The following STMN2 variants were observed in gnomAD, a reference collection of about 807,000 sequenced individuals.
STMN2 encodes the protein stathmin 2, also known as stathmin-2.
A neutral mutation model predicts 24.1 loss-of-function variants in STMN2; 2 were observed. The observed-to-expected ratio is 0.08, with a 90% CI of 0.03 to 0.26. The LOEUF (loss-of-function observed/expected upper bound fraction) is 0.26. STMN2 is among the 10% of genes least tolerant of loss of function. The pLI is 1.00. For synonymous variants in STMN2, 83 were observed against 77.5 expected (o/e 1.07, Z -0.37); for missense variants, 114 against 213.6 (o/e 0.53, Z 2.91).
At chr8:79,643,604 G>A (rs537072898) in intron 3 of STMN2, among the ~76,000 whole-genome samples, 1 of 152,136 alleles carries the variant, frequency 6.6e-6, no homozygotes, top group East Asian at 1.9e-4. Context: ...CACTTAATTT[G>A]AAAGAAATTA....
At chr8:79,644,640 A>G (rs1367477581) in intron 3 of STMN2, among the ~76,000 whole-genome samples, 1 of 152,230 alleles carries the variant, frequency 6.6e-6, no homozygotes, top group Non-Finnish European at 1.5e-5. Flanking sequence ...GTGTTCTCAC[A>G]AGAGGAAGGG....
chr8:79,651,717 C>T (rs563390611), intron 3 of STMN2, among the ~76,000 whole-genome samples: 4 of 152,318 alleles, frequency 2.6e-5, no homozygotes, highest in African/African-American at 9.6e-5. Flanking sequence ...GTTGCAGTGG[C>T]CTCTTGATAA....
chr8:79,615,794 T>A (rs1414386534), intron 1 of STMN2, among the ~76,000 whole-genome samples: 1 of 152,168 alleles, frequency 6.6e-6, no homozygotes, highest in Non-Finnish European at 1.5e-5. Context: ...CAGGATGAAA[T>A]GAGTGGTCAT....
At chr8:79,663,634 G>A in intron 4 of STMN2, 1 of 1,530,214 alleles carries the variant, frequency 6.5e-7, no homozygotes, top group Non-Finnish European at 8.7e-7. Context: ...TCAATTTCTG[G>A]AGCTTCAGAG....
intron 3 of STMN2, among the ~76,000 whole-genome samples, chr8:79,643,027 G>C (rs1233877537): frequency 1.4e-5 from 2 of 147,728 alleles, no homozygotes; most frequent in Non-Finnish European, 3.0e-5. Flanking sequence ...TATGTGATGT[G>C]TATATATGTA....
chr8:79,645,945 A>G (rs1810207930), intron 3 of STMN2, among the ~76,000 whole-genome samples: 1 of 152,212 alleles, frequency 6.6e-6, no homozygotes, highest in Admixed American at 6.5e-5. Flanking sequence ...CTCCATGAAG[A>G]TAGAACTTGT....
intron 4 of STMN2, among the ~76,000 whole-genome samples, chr8:79,660,661 A>T (rs1363182305): frequency 1.3e-5 from 2 of 152,076 alleles, no homozygotes; most frequent in Non-Finnish European, 2.9e-5. Flanking sequence ...CCTGTTTTGT[A>T]AATGTCAATA....
intron 1 of STMN2, among the ~76,000 whole-genome samples, chr8:79,612,885 C>G (rs921647999): frequency 1.3e-5 from 2 of 152,084 alleles, no homozygotes; most frequent in African/African-American, 2.4e-5. Flanking sequence ...CCTCTTTTTT[C>G]AGCCCCGCAG....
At chr8:79,664,087 C>T (rs571716519) in intron 4 of STMN2, among the ~76,000 whole-genome samples, 1 of 152,306 alleles carries the variant, frequency 6.6e-6, no homozygotes, top group East Asian at 1.9e-4. Flanking sequence ...AATAAAATGA[C>T]TGCCGAATAA....
chr8:79,624,318 G>C (rs571326106), intron 1 of STMN2, among the ~76,000 whole-genome samples: 1 of 152,026 alleles, frequency 6.6e-6, no homozygotes, highest in East Asian at 1.9e-4. Context: ...GCCGGGTGTG[G>C]TGGCGGGTGC....
rs150985869 is a variant in STMN2, at chr8:79,612,566, C to A, written c.19+1352C>A. ...CAAGACAGTGGAGACACAGGATGACCGGAAAAGATTCTGGATTCAGGGCCT... is the reference window on the plus strand; with the variant it reads ...CAAGACAGTGGAGACACAGGATGACAGGAAAAGATTCTGGATTCAGGGCCT... On this transcript the variant is annotated intron_variant, in intron 1 of 4. Coordinates refer to ENST00000220876, the MANE Select transcript of STMN2 (RefSeq NM_007029.4). Among the ~76,000 whole-genome samples the A allele has an allele frequency of 3.3e-5, 5 of 152,252 alleles. No homozygotes were observed. The East Asian group carries it at 9.7e-4, about 30-fold the overall frequency.
rs1433509762 is a variant in STMN2, at chr8:79,641,478, T to C, written c.216T>C (p.Ala72=). Residue 72 remains alanine, a synonymous_variant, in exon 3 of 5, where the codon GCT becomes GCC. Coordinates refer to ENST00000220876, the MANE Select transcript of STMN2 (RefSeq NM_007029.4). ...TCTCAGAAGCCCCACGAACTTTAGC[T>C]TCTCCAAAGAAGAAAGACCTGTCCC... ...SPISEAPRTL[A]SPKKKDLSLE... 1 of 1,614,070 alleles carries C rather than the reference T, an allele frequency of 6.2e-7. No individual in the cohort carries two copies. The highest frequency in any genetic ancestry group is 2.2e-5 in the East Asian group (1 of 44,858).
intron 3 of STMN2, among the ~76,000 whole-genome samples, chr8:79,650,945 T>TA (rs879824358): frequency 1.6e-4 from 25 of 151,610 alleles, no homozygotes; most frequent in Admixed American, 8.5e-4. Flanking sequence ...TCTCTAAATT[T>TA]AAAAAAAAAT....
chr8:79,621,967 G>A (rs1199972166), intron 1 of STMN2, among the ~76,000 whole-genome samples: 1 of 152,138 alleles, frequency 6.6e-6, no homozygotes, highest in Non-Finnish European at 1.5e-5. Flanking sequence ...GTAAAGTTCT[G>A]TGCAATTAAA....
At chr8:79,618,149 G>T (rs1809426501) in intron 1 of STMN2, among the ~76,000 whole-genome samples, 2 of 152,160 alleles carry the variant, frequency 1.3e-5, no homozygotes, top group South Asian at 4.1e-4. Context: ...GACCAGAGAT[G>T]GTCTTCTCCT....
intron 1 of STMN2, among the ~76,000 whole-genome samples, chr8:79,624,645 A>G (rs181410557): frequency 3.7e-4 from 56 of 152,316 alleles, no homozygotes; most frequent in Admixed American, 4.6e-4. Flanking sequence ...CCAGAAAAGT[A>G]TACATTTCAT....
chr8:79,647,580 A>T (rs1175816391), intron 3 of STMN2, among the ~76,000 whole-genome samples: 1 of 152,184 alleles, frequency 6.6e-6, no homozygotes, highest in Non-Finnish European at 1.5e-5. Flanking sequence ...CCACCTCCCC[A>T]TTCCATCTGT....
At chr8:79,657,064 G>A (rs1021908152) in intron 4 of STMN2, among the ~76,000 whole-genome samples, 1 of 152,152 alleles carries the variant, frequency 6.6e-6, no homozygotes, top group Non-Finnish European at 1.5e-5. Context: ...AGTAGAGACA[G>A]GGTTTTGCCG....
intron 1 of STMN2, among the ~76,000 whole-genome samples, chr8:79,625,874 G>A (rs960978641): frequency 3.3e-5 from 5 of 152,090 alleles, no homozygotes; most frequent in South Asian, 2.1e-4. Context: ...AGGGAGAATC[G>A]CTTGAACCCA....
Sources: allele counts gnomAD v4.1 joint callset (sites outside exome capture counted in the v4.1 genomes callset), GRCh38; gene constraint gnomAD v4.1.1; transcripts MANE v1.5; gene names NCBI Gene and HGNC (gene_info 2026-07-23, HGNC 2026-07-21).